Variants in GRID2 observed in about 807,000 individuals in gnomAD.
The protein encoded by GRID2 is glutamate ionotropic receptor delta type subunit 2.
Under a neutral mutation model 114.8 loss-of-function variants are expected in GRID2, and 33 were observed. The observed-to-expected ratio is 0.29, with a 90% CI of 0.22 to 0.38. The LOEUF (loss-of-function observed/expected upper bound fraction) is 0.38, where lower values mean the gene tolerates loss of function less well. Among genes scored for constraint, GRID2 ranks in the 10% least tolerant of loss-of-function variants. The probability of loss-of-function intolerance (pLI) is 1.00; values close to 1 mark genes in which losing one functional copy is unlikely to be tolerated. For missense variants in GRID2, 1,184 were observed against 1,257.7 expected, an observed-to-expected ratio of 0.94 and a Z score of 0.89; for synonymous variants, 505 against 449.9, an observed-to-expected ratio of 1.12 and a Z score of -1.55.
chr4:92,480,647 CT>C (rs1285892891), intron 1 of GRID2, among the ~76,000 whole-genome samples: 40 of 152,144 alleles, frequency 2.6e-4, no homozygotes, highest in Admixed American at 5.2e-4. Context: ...TTTGTCTTTT[CT>C]GCCTTTCTTT....
At chr4:93,683,629 C>A (rs1163211402) in intron 14 of GRID2, among the ~76,000 whole-genome samples, 2 of 152,100 alleles carry the variant, frequency 1.3e-5, no homozygotes, top group Admixed American at 6.6e-5. Context: ...ACTACTGAAA[C>A]TTGGCAATTA....
In GRID2 at chr4:93,589,377, T is replaced by C. The variant is rs1011206207; in HGVS notation, c.2194-36892T>C. Among the ~76,000 whole-genome samples, 24 of 152,010 alleles carry C rather than the reference T, an allele frequency of 1.6e-4. 1 individual carries two copies. Among genetic ancestry groups the C allele is most frequent in the African/African-American group, 5.1e-4 (21 of 41,436 alleles). ...TTCATCCATGTCCCTACAAAGGACA[T>C]GAACTCATCATTTTTTATGGCTGCA... On this transcript the variant is annotated intron_variant, in intron 13 of 15. Transcript: ENST00000282020.
At chr4:92,589,210 A>C (rs947738217) in intron 1 of GRID2, among the ~76,000 whole-genome samples, 1 of 152,204 alleles carries the variant, frequency 6.6e-6, no homozygotes, top group African/African-American at 2.4e-5. Context: ...TAATACACAC[A>C]ATGTGAGGTT....
intron 8 of GRID2, among the ~76,000 whole-genome samples, chr4:93,370,376 CAT>C (rs1762748577): frequency 6.6e-6 from 1 of 151,112 alleles, no homozygotes; most frequent in Non-Finnish European, 1.5e-5. Context: ...CACACACAGA[CAT>C]ACACACACAC....
At chr4:92,982,871 C>T (rs1291236306) in intron 2 of GRID2, among the ~76,000 whole-genome samples, 3 of 152,082 alleles carry the variant, frequency 2.0e-5, no homozygotes, top group African/African-American at 2.4e-5. Flanking sequence ...CATTAAGACT[C>T]ATTAACCGTT....
At chr4:93,532,919 T>A (rs979756463) in intron 13 of GRID2, among the ~76,000 whole-genome samples, 2 of 152,170 alleles carry the variant, frequency 1.3e-5, no homozygotes, top group Non-Finnish European at 2.9e-5. Flanking sequence ...AATATACTGT[T>A]TGAATCAGGA....
intron 1 of GRID2, among the ~76,000 whole-genome samples, chr4:92,562,046 G>A (rs934331658): frequency 2.6e-5 from 4 of 152,130 alleles, no homozygotes; most frequent in African/African-American, 4.8e-5. Flanking sequence ...AGCCAGATAT[G>A]TAGTCTTTAT....
chr4:93,295,075 C>A (rs532630448), intron 8 of GRID2, among the ~76,000 whole-genome samples: 4 of 152,078 alleles, frequency 2.6e-5, no homozygotes, highest in Admixed American at 2.0e-4. Flanking sequence ...AGACAGAAAT[C>A]TAAAGATATT....
At chr4:92,774,889 T>C (rs1738716709) in intron 2 of GRID2, among the ~76,000 whole-genome samples, 1 of 152,162 alleles carries the variant, frequency 6.6e-6, no homozygotes, top group Non-Finnish European at 1.5e-5. Context: ...TTTTTCTAAA[T>C]ACTTTAGTTT....
At chr4:92,362,987 T>G (rs1235334782) in intron 1 of GRID2, among the ~76,000 whole-genome samples, 1 of 149,158 alleles carries the variant, frequency 6.7e-6, no homozygotes, top group African/African-American at 2.6e-5. Context: ...ACTTCATATA[T>G]TCCCTTCTTC....
chr4:93,475,289 T>C (rs1237063444), intron 11 of GRID2, among the ~76,000 whole-genome samples: 2 of 152,144 alleles, frequency 1.3e-5, no homozygotes, highest in Admixed American at 6.5e-5. Flanking sequence ...TTTAAAATAC[T>C]CTCCTAAGAA....
chr4:93,446,895 T>C (rs1722145013), intron 10 of GRID2, among the ~76,000 whole-genome samples: 1 of 151,410 alleles, frequency 6.6e-6, no homozygotes, highest in South Asian at 2.1e-4. Flanking sequence ...ATATATATTT[T>C]ATATAAATTT....
intron 8 of GRID2, among the ~76,000 whole-genome samples, chr4:93,242,866 T>C (rs1182400280): frequency 6.6e-6 from 1 of 152,028 alleles, no homozygotes; most frequent in African/African-American, 2.4e-5. Flanking sequence ...TTCAACCTGC[T>C]CTGAATTCAG....
chr4:93,523,291 T>G (rs1362924488), intron 13 of GRID2, among the ~76,000 whole-genome samples: 1 of 152,014 alleles, frequency 6.6e-6, no homozygotes, highest in Non-Finnish European at 1.5e-5. Context: ...AGGTTATAGG[T>G]AAGGTGATTA....
At chr4:93,071,935 C>G (rs1176680943) in intron 2 of GRID2, among the ~76,000 whole-genome samples, 1 of 152,120 alleles carries the variant, frequency 6.6e-6, no homozygotes, top group African/African-American at 2.4e-5. Flanking sequence ...TACTTGAAGT[C>G]TGTTTAAATG....
At chr4:92,866,840 C>A (rs961503139) in intron 2 of GRID2, among the ~76,000 whole-genome samples, 6 of 152,098 alleles carry the variant, frequency 3.9e-5, no homozygotes, top group African/African-American at 1.4e-4. Context: ...CGTGAGCCAC[C>A]GCTCCCGGCC....
intron 2 of GRID2, among the ~76,000 whole-genome samples, chr4:92,774,393 C>A (rs890675727): frequency 6.6e-6 from 1 of 151,986 alleles, no homozygotes; most frequent in African/African-American, 2.4e-5. Flanking sequence ...ATCAGTGTAG[C>A]TTTTCTTATT....
At chr4:92,903,379 T>C (rs1478607715) in intron 2 of GRID2, among the ~76,000 whole-genome samples, 2 of 151,986 alleles carry the variant, frequency 1.3e-5, no homozygotes, top group Admixed American at 1.3e-4. Flanking sequence ...TCCTAGATTT[T>C]CCATAACCTT....
At chr4:93,308,012 A>G (rs1390918245) in intron 8 of GRID2, among the ~76,000 whole-genome samples, 1 of 152,162 alleles carries the variant, frequency 6.6e-6, no homozygotes, top group Non-Finnish European at 1.5e-5. Flanking sequence ...GTAGATATCA[A>G]TTCAACATAG....
Sources: allele counts gnomAD v4.1 joint callset (sites outside exome capture counted in the v4.1 genomes callset), GRCh38; gene constraint gnomAD v4.1.1; transcripts MANE v1.5; gene names NCBI Gene and HGNC (gene_info 2026-07-23, HGNC 2026-07-21).